VCF1: variants seen among roughly 807,000 people sequenced by gnomAD.
VCF1 encodes protein VCF1.
the VCF1 span, among the ~76,000 whole-genome samples, chr17:73,221,645 T>C: frequency 6.6e-6 from 1 of 152,110 alleles, no homozygotes; most frequent in Non-Finnish European, 1.5e-5. Context: ...TCCTAATACT[T>C]TGGAAGGCCA....
chr17:73,208,533 G>A, the VCF1 span: 1 of 1,494,098 alleles, frequency 6.7e-7, no homozygotes. Context: ...CTGATTCTCA[G>A]CCACACCAAT....
At chr17:73,230,842 C>A in the VCF1 span, among the ~76,000 whole-genome samples, 1 of 152,232 alleles carries the variant, frequency 6.6e-6, no homozygotes, top group South Asian at 2.1e-4. Context: ...AAGGAATCTA[C>A]TGCCAGTATA....
the VCF1 span, chr17:73,212,700 C>T: frequency 6.3e-7 from 1 of 1,596,186 alleles, no homozygotes; most frequent in South Asian, 1.1e-5. Context: ...TTTGTTTCCT[C>T]TTAGTCTGTT....
At chr17:73,230,970 A>G in the VCF1 span, among the ~76,000 whole-genome samples, 1 of 152,232 alleles carries the variant, frequency 6.6e-6, no homozygotes, top group Non-Finnish European at 1.5e-5. Flanking sequence ...GGGTTTGGGA[A>G]AGAATAATAT....
At chr17:73,221,860 C>G in the VCF1 span, among the ~76,000 whole-genome samples, 1 of 151,864 alleles carries the variant, frequency 6.6e-6, no homozygotes, top group Non-Finnish European at 1.5e-5. Flanking sequence ...ATGGTGAAAC[C>G]CCGTCTCTAC....
At chr17:73,215,817 C>T in the VCF1 span, among the ~76,000 whole-genome samples, 2 of 152,220 alleles carry the variant, frequency 1.3e-5, no homozygotes, top group African/African-American at 4.8e-5. Context: ...TGATGGGAAT[C>T]CAGCAATGGA....
chr17:73,208,426 G>T, the VCF1 span: 1 of 1,614,032 alleles, frequency 6.2e-7, no homozygotes, highest in African/African-American at 1.3e-5. Context: ...TTCAAACTTG[G>T]CTGGCTCTCT....
At chr17:73,214,299 T>G in the VCF1 span, among the ~76,000 whole-genome samples, 1 of 140,450 alleles carries the variant, frequency 7.1e-6, no homozygotes, top group Admixed American at 7.5e-5. Context: ...ATCAAATTGG[T>G]GGGTTACAAC....
chr17:73,207,917 G>A, the VCF1 span: 13 of 1,181,670 alleles, frequency 1.1e-5, no homozygotes, highest in African/African-American at 1.6e-4. Context: ...GGCTTTAAAA[G>A]TTGGGAGATG....
At chr17:73,229,864 T>C in the VCF1 span, among the ~76,000 whole-genome samples, 1 of 51,234 alleles carries the variant, frequency 2.0e-5, no homozygotes, top group Non-Finnish European at 2.9e-5. Flanking sequence ...TGAGACTCCA[T>C]CTCAAAAAAA....
At chr17:73,224,857 CAGGACAG>C in the VCF1 span, among the ~76,000 whole-genome samples, 2 of 151,566 alleles carry the variant, frequency 1.3e-5, no homozygotes, top group African/African-American at 4.9e-5. Flanking sequence ...CAGGACAGGA[CAGGACAG>C]CACAGGACAG....
At chr17:73,208,532 A>G in the VCF1 span, 3 of 1,492,936 alleles carry the variant, frequency 2.0e-6, no homozygotes, top group East Asian at 2.3e-5. Flanking sequence ...TCTGATTCTC[A>G]GCCACACCAA....
At chr17:73,231,997 C>A in the VCF1 span, 1 of 1,420,072 alleles carries the variant, frequency 7.0e-7, no homozygotes, top group African/African-American at 1.4e-5. Context: ...CGGGTCCACT[C>A]TTGCTCCGAC....
the VCF1 span, chr17:73,207,386 G>A: frequency 3.3e-6 from 3 of 898,486 alleles, no homozygotes; most frequent in South Asian, 1.4e-5. Flanking sequence ...TGCTTTTAAT[G>A]GCGGCGCAAT....
the VCF1 span, chr17:73,232,190 C>T: frequency 6.2e-7 from 1 of 1,609,660 alleles, no homozygotes; most frequent in East Asian, 2.2e-5. Flanking sequence ...GGCCGCCACG[C>T]CCACCCCCTC....
At chr17:73,208,323 C>T in the VCF1 span, 1 of 1,613,768 alleles carries the variant, frequency 6.2e-7, no homozygotes, top group Middle Eastern at 1.7e-4. Context: ...GGTTGTCCCC[C>T]CGGCACGCTC....
At chr17:73,224,855 G>GACAGC in the VCF1 span, among the ~76,000 whole-genome samples, 3 of 147,654 alleles carry the variant, frequency 2.0e-5, no homozygotes, top group African/African-American at 7.7e-5. Context: ...GACAGGACAG[G>GACAGC]ACAGGACAGC....
At chr17:73,225,847 A>G in the VCF1 span, among the ~76,000 whole-genome samples, 1 of 147,140 alleles carries the variant, frequency 6.8e-6, no homozygotes, top group African/African-American at 2.5e-5. Flanking sequence ...AAAAGAAAAG[A>G]AAAAAGCAAA....
At chr17:73,224,952 C>T in the VCF1 span, among the ~76,000 whole-genome samples, 6 of 146,114 alleles carry the variant, frequency 4.1e-5, no homozygotes, top group East Asian at 4.1e-4. Context: ...CAGCACAGCA[C>T]AGGACAGGAC....
Sources: gnomAD v4.1 joint callset for allele counts (sites outside exome capture counted in the v4.1 genomes callset) on GRCh38, gnomAD v4.1.1 for gene constraint, MANE v1.5 for transcripts, NCBI Gene and HGNC (gene_info 2026-07-23, HGNC 2026-07-21) for gene names.